The following CADPS2 variants were observed in gnomAD, a reference collection of about 807,000 sequenced individuals.
CADPS2 encodes the protein calcium dependent secretion activator 2, also known as calcium-dependent secretion activator 2.
CADPS2 carries 93 observed loss-of-function variants against 172.5 expected under a neutral mutation model. That is an observed-to-expected ratio of 0.54 (90% confidence interval 0.46 to 0.64). The LOEUF is 0.64. Among genes scored for constraint, CADPS2 ranks in the 30% least tolerant of loss-of-function variants. CADPS2 has a pLI of 0.00. For missense variants in CADPS2, 1,420 were observed against 1,565.9 expected, an observed-to-expected ratio of 0.91 and a Z score of 1.57; for synonymous variants, 546 against 555.2, an observed-to-expected ratio of 0.98 and a Z score of 0.23.
At chr7:122,340,181 AT>A (rs2036552951) in intron 28 of CADPS2, among the ~76,000 whole-genome samples, 2 of 152,198 alleles carry the variant, frequency 1.3e-5, no homozygotes, top group Admixed American at 1.3e-4. Flanking sequence ...AATATAACTG[AT>A]TAACTATCAT....
rs2073701252 is a variant in CADPS2, at chr7:122,607,293, C to G, written c.1223+7888G>C. Among the ~76,000 whole-genome samples the G allele has an allele frequency of 4.0e-5, 6 of 151,844 alleles. No individual in the cohort carries two copies. The South Asian group carries it at 1.3e-3, about 32-fold the overall frequency. ...CATGTTATTTAATACCCAAAATAAC[C>G]AGAAAAGGTATGGTATCTGCAAAGA... On this transcript the variant is annotated intron_variant, in intron 6 of 29. Transcript: ENST00000449022.
intron 8 of CADPS2, among the ~76,000 whole-genome samples, chr7:122,522,603 C>T (rs1252342309): frequency 1.3e-5 from 2 of 152,036 alleles, no homozygotes; most frequent in Non-Finnish European, 2.9e-5. Flanking sequence ...TAAAAACATA[C>T]AATAAATTAT....
intron 1 of CADPS2, among the ~76,000 whole-genome samples, chr7:122,827,559 G>A (rs1272579711): frequency 2.0e-5 from 3 of 151,762 alleles, no homozygotes; most frequent in Non-Finnish European, 4.4e-5. Context: ...TTGAACCTGG[G>A]AGGCGGAGGT....
intron 28 of CADPS2, among the ~76,000 whole-genome samples, chr7:122,340,076 A>G (rs1379078228): frequency 2.0e-5 from 3 of 152,190 alleles, no homozygotes; most frequent in African/African-American, 4.8e-5. Context: ...AATTTTACTC[A>G]AAATGTTTAA....
At chr7:122,707,638 TG>T (rs1399712317) in intron 2 of CADPS2, among the ~76,000 whole-genome samples, 4 of 151,932 alleles carry the variant, frequency 2.6e-5, no homozygotes, top group Admixed American at 6.6e-5. Flanking sequence ...CAACTATGTA[TG>T]TTTTTTTTGC....
At chr7:122,818,778 G>C (rs894139584) in intron 1 of CADPS2, among the ~76,000 whole-genome samples, 3 of 152,120 alleles carry the variant, frequency 2.0e-5, no homozygotes, top group Non-Finnish European at 4.4e-5. Flanking sequence ...TAAAGGCATA[G>C]TCAAGGTTAA....
chr7:122,580,641 C>CAT (rs1247452209), intron 7 of CADPS2, among the ~76,000 whole-genome samples: 2 of 151,750 alleles, frequency 1.3e-5, no homozygotes, highest in Admixed American at 6.6e-5. Flanking sequence ...AGAAGGTAAA[C>CAT]ATATATATAT....
chr7:122,827,340 A>G (rs2140492518), intron 1 of CADPS2, among the ~76,000 whole-genome samples: 1 of 152,302 alleles, frequency 6.6e-6, no homozygotes, highest in South Asian at 2.1e-4. Flanking sequence ...TTTCAAAGAA[A>G]ATTCTAGTAA....
At chr7:122,508,381 AAAG>A (rs1187353710) in intron 9 of CADPS2, among the ~76,000 whole-genome samples, 6 of 151,592 alleles carry the variant, frequency 4.0e-5, no homozygotes, top group African/African-American at 7.3e-5. Context: ...TTAAATGTTC[AAAG>A]AAGGAGGATT....
At chr7:122,738,165 A>G (rs536514403) in intron 1 of CADPS2, among the ~76,000 whole-genome samples, 2 of 152,236 alleles carry the variant, frequency 1.3e-5, no homozygotes, top group African/African-American at 2.4e-5. Context: ...TGACTTATCA[A>G]TCATGTCCTC....
At chr7:122,793,019 G>A (rs1210639188) in intron 1 of CADPS2, among the ~76,000 whole-genome samples, 1 of 152,100 alleles carries the variant, frequency 6.6e-6, no homozygotes, top group African/African-American at 2.4e-5. Flanking sequence ...GTACCTTTCA[G>A]CCATATCATT....
chr7:122,812,418 A>C (rs1346163297), intron 1 of CADPS2, among the ~76,000 whole-genome samples: 1 of 151,480 alleles, frequency 6.6e-6, no homozygotes, highest in African/African-American at 2.4e-5. Flanking sequence ...TGGAAAAAAA[A>C]AAAAGAGAGA....
rs916258303 is a variant in CADPS2, at chr7:122,712,273, A to G, written c.453+24682T>C. On this transcript the variant is annotated intron_variant, in intron 2 of 29. Coordinates refer to ENST00000449022, the MANE Select transcript of CADPS2 (RefSeq NM_017954.11). ...GGACCCAGTGCACTGATTTGTATCA[A>G]TTTCTTATTTGATTTGATATAACAA... Among the ~76,000 whole-genome samples, 10 of 152,174 alleles carry G rather than the reference A, an allele frequency of 6.6e-5. No individual in the cohort carries two copies. In the East Asian group the frequency reaches 7.7e-4, roughly 12 times the overall value.
intron 3 of CADPS2, among the ~76,000 whole-genome samples, chr7:122,637,791 G>A (rs1021352646): frequency 5.3e-5 from 8 of 152,212 alleles, no homozygotes; most frequent in Non-Finnish European, 1.2e-4. Flanking sequence ...TGTGAGGGCT[G>A]ATGTTCCTTT....
intron 28 of CADPS2, among the ~76,000 whole-genome samples, chr7:122,337,188 A>G (rs1479601032): frequency 6.6e-6 from 1 of 152,198 alleles, no homozygotes; most frequent in Admixed American, 6.5e-5. Context: ...GCAGACCATT[A>G]GGATAGAAAA....
intron 1 of CADPS2, among the ~76,000 whole-genome samples, chr7:122,812,640 T>C (rs1463763852): frequency 6.6e-6 from 1 of 152,120 alleles, no homozygotes; most frequent in East Asian, 1.9e-4. Flanking sequence ...AAAATGTGTG[T>C]ATATTGGTGG....
At chr7:122,472,889 C>G (rs373648936) in intron 13 of CADPS2, among the ~76,000 whole-genome samples, 1 of 152,012 alleles carries the variant, frequency 6.6e-6, no homozygotes. Context: ...TGAAGTATCC[C>G]CATTTTGATT....
intron 1 of CADPS2, among the ~76,000 whole-genome samples, chr7:122,864,266 G>A (rs1399899388): frequency 6.6e-6 from 1 of 152,042 alleles, no homozygotes; most frequent in Non-Finnish European, 1.5e-5. Context: ...TCCAGACATG[G>A]GATGGAGGCA....
chr7:122,679,322 G>C (rs2082763124), intron 2 of CADPS2, among the ~76,000 whole-genome samples: 1 of 131,948 alleles, frequency 7.6e-6, no homozygotes, highest in Non-Finnish European at 1.6e-5. Flanking sequence ...TGCACATGTA[G>C]ATAGGAATGA....
Sources: allele counts gnomAD v4.1 joint callset (sites outside exome capture counted in the v4.1 genomes callset), GRCh38; gene constraint gnomAD v4.1.1; transcripts MANE v1.5; gene names NCBI Gene and HGNC (gene_info 2026-07-23, HGNC 2026-07-21).